Variants in DPF3 observed in about 807,000 individuals in gnomAD.
The protein encoded by DPF3 is zinc finger protein DPF3.
DPF3 carries 18 observed loss-of-function variants against 56.8 expected under a neutral mutation model. The observed-to-expected ratio is 0.32, with a 90% CI of 0.22 to 0.47. DPF3 has a LOEUF of 0.47. Ranked by LOEUF, DPF3 falls within the 20% of genes least tolerant of loss-of-function variation. The pLI is 1.00. For synonymous variants in DPF3, 188 were observed against 180.2 expected (o/e 1.04, Z -0.35); for missense variants, 403 against 488.8 (o/e 0.82, Z 1.65).
intron 9 of DPF3, among the ~76,000 whole-genome samples, chr14:72,625,853 C>T (rs1185374941): frequency 1.3e-5 from 2 of 152,100 alleles, no homozygotes; most frequent in African/African-American, 2.4e-5. Context: ...CTTTTTCTGA[C>T]TTTGAGAAAC....
At chr14:72,764,443 A>G (rs1891180953) in intron 2 of DPF3, among the ~76,000 whole-genome samples, 1 of 146,308 alleles carries the variant, frequency 6.8e-6, no homozygotes. Flanking sequence ...TGTCCTTCGT[A>G]ATAAACTGGC....
At chr14:72,841,365 C>T (rs992470607) in intron 1 of DPF3, among the ~76,000 whole-genome samples, 15 of 152,068 alleles carry the variant, frequency 9.9e-5, no homozygotes, top group African/African-American at 3.6e-4. Context: ...TGTCTACTTG[C>T]CCAGTTTTGT....
chr14:72,747,795 G>A (rs1417924634), intron 3 of DPF3, among the ~76,000 whole-genome samples: 6 of 152,190 alleles, frequency 3.9e-5, no homozygotes, highest in South Asian at 2.1e-4. Context: ...TGGGTCTCAC[G>A]AGATCTGATG....
At chr14:72,783,001 C>T (rs572644524) in intron 1 of DPF3, among the ~76,000 whole-genome samples, 6 of 152,092 alleles carry the variant, frequency 3.9e-5, no homozygotes, top group Non-Finnish European at 7.4e-5. Context: ...CCTCCTTCCC[C>T]GCTGGGCTCC....
At chr14:72,721,852 T>TC (rs890860313) in intron 5 of DPF3, among the ~76,000 whole-genome samples, 1 of 151,886 alleles carries the variant, frequency 6.6e-6, no homozygotes, top group Non-Finnish European at 1.5e-5. Flanking sequence ...AATACCACCC[T>TC]CCCACCACTT....
chr14:72,859,392 G>C (rs1365711995), intron 1 of DPF3, among the ~76,000 whole-genome samples: 1 of 151,852 alleles, frequency 6.6e-6, no homozygotes, highest in Admixed American at 6.6e-5. Flanking sequence ...TTCTACCTGG[G>C]GTTTCTACCA....
chr14:72,636,718 G>C (rs144331485), intron 8 of DPF3, among the ~76,000 whole-genome samples: 1 of 152,176 alleles, frequency 6.6e-6, no homozygotes, highest in South Asian at 2.1e-4. Context: ...AGGTCTGCAG[G>C]TTCACCTCTA....
intron 6 of DPF3, among the ~76,000 whole-genome samples, chr14:72,697,445 C>G (rs896060950): frequency 6.6e-6 from 1 of 152,112 alleles, no homozygotes; most frequent in African/African-American, 2.4e-5. Context: ...AGAGAAGGAG[C>G]CCCTGACATG....
chr14:72,657,645 C>A (rs570039541), intron 8 of DPF3, among the ~76,000 whole-genome samples: 4 of 152,140 alleles, frequency 2.6e-5, no homozygotes, highest in African/African-American at 9.7e-5. Flanking sequence ...ACCACCACCC[C>A]CAACTGAGCA....
At chr14:72,630,679 G>T (rs11844236) in intron 8 of DPF3, among the ~76,000 whole-genome samples, 14,424 of 152,132 alleles carry the variant, frequency 0.095, 1,155 homozygotes, top group East Asian at 0.25. Flanking sequence ...TTCCCAAGTC[G>T]CCCAGTACTG....
Position 72,693,073 on chromosome 14 carries a change from C to T in DPF3, c.742+3G>A, listed in dbSNP as rs969180627. On this transcript the variant is annotated splice_donor_region_variant and intron_variant, in intron 7 of 10. Transcript: ENST00000556509. ...TGCCCCAACCTAACAAGTAGGCACT[C>T]ACGCCTGTGGTTCTCATTTCTGTGG... is the stretch of plus-strand genomic sequence containing the variant. 3.1e-6 allele frequency: 5 copies of T among 1,614,000 alleles called. No individual in the cohort carries two copies. Among genetic ancestry groups the T allele is most frequent in the Non-Finnish European group, 4.2e-6 (5 of 1,179,878 alleles).
intron 9 of DPF3, among the ~76,000 whole-genome samples, chr14:72,623,177 T>C (rs768170119): frequency 3.9e-5 from 6 of 152,230 alleles, no homozygotes; most frequent in African/African-American, 1.2e-4. Flanking sequence ...GTTGCCTATA[T>C]GCAGAGTGAA....
intron 1 of DPF3, among the ~76,000 whole-genome samples, chr14:72,891,313 C>CTTTTT (rs61587216): frequency 4.0e-4 from 57 of 144,118 alleles, no homozygotes; most frequent in African/African-American, 1.3e-3. Context: ...GTGGTGTTGG[C>CTTTTT]TTTTTTTTTT....
chr14:72,838,643 G>A (rs138900050), intron 1 of DPF3, among the ~76,000 whole-genome samples: 1 of 152,100 alleles, frequency 6.6e-6, no homozygotes, highest in African/African-American at 2.4e-5. Flanking sequence ...TGTAATCCCA[G>A]CTACTCGGGA....
intron 2 of DPF3, among the ~76,000 whole-genome samples, chr14:72,766,824 C>T (rs563291587): frequency 7.2e-5 from 11 of 152,292 alleles, no homozygotes; most frequent in African/African-American, 2.6e-4. Flanking sequence ...GAAACACCAA[C>T]AAATGAAGAC....
intron 1 of DPF3, among the ~76,000 whole-genome samples, chr14:72,854,362 G>A (rs1342515873): frequency 6.6e-6 from 1 of 151,832 alleles, no homozygotes; most frequent in African/African-American, 2.4e-5. Flanking sequence ...GTGAAATCCT[G>A]TGTCAAAAAA....
chr14:72,619,313 A>C lies in DPF3; in HGVS notation c.1121T>G (p.Phe374Cys). The C allele has an allele frequency of 6.5e-7, 1 of 1,536,110 alleles. No individual in the cohort carries two copies. The highest frequency in any genetic ancestry group is 8.7e-7 in the Non-Finnish European group (1 of 1,146,896). Residue 374 changes from phenylalanine to cysteine, a missense_variant, in exon 11 of 11, where the codon TTT becomes TGT. Phe to Cys is a radical substitution (Grantham distance 205). Transcript: ENST00000556509. The part of the protein sequence containing the change: ...WELLKEKASA[F>C]GCQA ...CCTGGGGCCCTAGGCCTGGCAGCCA[A>C]AGGCTGAGGCTTTCTCTTTGAGCAG...
chr14:72,804,180 G>GACACACACACACACACAC (rs545355128), intron 1 of DPF3, among the ~76,000 whole-genome samples: 1 of 133,172 alleles, frequency 7.5e-6, no homozygotes, highest in Non-Finnish European at 1.6e-5. Context: ...TGCTTTCCAG[G>GACACACACACACACACAC]ACACACACAC....
At chr14:72,673,207 A>G (rs1400142786) in intron 8 of DPF3, among the ~76,000 whole-genome samples, 1 of 152,236 alleles carries the variant, frequency 6.6e-6, no homozygotes, top group East Asian at 1.9e-4. Context: ...CAGAGCAAGG[A>G]AAGAGCTGAG....
Sources: allele counts gnomAD v4.1 joint callset (sites outside exome capture counted in the v4.1 genomes callset), GRCh38; gene constraint gnomAD v4.1.1; transcripts MANE v1.5; gene names NCBI Gene and HGNC (gene_info 2026-07-23, HGNC 2026-07-21).